Variants in CYRIB observed in about 807,000 individuals in gnomAD.
The protein encoded by CYRIB is CYFIP related Rac1 interactor B, also known as CYFIP-related Rac1 interactor B.
A neutral mutation model predicts 44.2 loss-of-function variants in CYRIB; 8 were observed. That is an observed-to-expected ratio of 0.18 (90% CI 0.11 to 0.33). The LOEUF is 0.33. Ranked by LOEUF, CYRIB falls within the 10% of genes least tolerant of loss-of-function variation. The pLI is 1.00. For synonymous variants in CYRIB, 131 were observed against 127.2 expected, an observed-to-expected ratio of 1.03 and a Z score of -0.20; for missense variants, 185 against 382.8, an observed-to-expected ratio of 0.48 and a Z score of 4.31.
At chr8:129,898,682 G>A (rs1251923083) in intron 2 of CYRIB, among the ~76,000 whole-genome samples, 2 of 152,016 alleles carry the variant, frequency 1.3e-5, no homozygotes, top group Admixed American at 1.3e-4. Context: ...TAACCAAACA[G>A]AATACAAAAA....
upstream of CYRIB, chr8:129,939,858 G>C (rs1443559106): frequency 6.6e-6 from 1 of 152,480 alleles, no homozygotes; most frequent in Non-Finnish European, 1.5e-5. Context: ...GGAATGCCAG[G>C]AAGTGAGGGC....
At chr8:129,965,664 T>C (rs887721228) in intron 2 of CYRIB, among the ~76,000 whole-genome samples, 1 of 151,438 alleles carries the variant, frequency 6.6e-6, no homozygotes, top group African/African-American at 2.4e-5. Context: ...GGCGTGGTGG[T>C]GGGTGCCTGT....
chr8:129,974,399 G>T (rs538218710), intron 1 of CYRIB, among the ~76,000 whole-genome samples: 65 of 152,196 alleles, frequency 4.3e-4, no homozygotes, highest in African/African-American at 1.6e-3. Flanking sequence ...AAGTCGAATG[G>T]AAGCTTTCCT....
chr8:129,924,820 T>G (rs540213398), intron 1 of CYRIB, among the ~76,000 whole-genome samples: 1 of 151,844 alleles, frequency 6.6e-6, no homozygotes, highest in African/African-American at 2.4e-5. Context: ...TTTAAAAAAA[T>G]AAAAAAACTT....
At chr8:129,954,377 A>G (rs955386064) in intron 2 of CYRIB, among the ~76,000 whole-genome samples, 5 of 152,050 alleles carry the variant, frequency 3.3e-5, no homozygotes, top group Admixed American at 1.3e-4. Context: ...TGCTGGCCAC[A>G]ATGCCCGGCT....
intron 3 of CYRIB, among the ~76,000 whole-genome samples, chr8:129,873,534 T>C (rs1048248158): frequency 2.0e-5 from 3 of 152,004 alleles, no homozygotes; most frequent in African/African-American, 7.2e-5. Context: ...CACTTTTTCA[T>C]ATGGAATTGT....
At chr8:129,984,616 C>T (rs2096381039) in intron 1 of CYRIB, among the ~76,000 whole-genome samples, 1 of 152,098 alleles carries the variant, frequency 6.6e-6, no homozygotes, top group Admixed American at 6.5e-5. Flanking sequence ...TTTTTTCCTC[C>T]CTCTTACAGA....
intron 10 of CYRIB, 126 bp from the exon 13 acceptor site, chr8:129,847,000 AATT>A (rs2040440676): frequency 1.8e-6 from 1 of 568,534 alleles, no homozygotes; most frequent in Non-Finnish European, 3.0e-6. Flanking sequence ...ATGTCAAATT[AATT>A]ATTCTTAGAA....
At chr8:129,851,105 C>G (rs75832491) in intron 8 of CYRIB, 191 bp from the exon 11 acceptor site, 1 of 554,110 alleles carries the variant, frequency 1.8e-6, no homozygotes, top group African/African-American at 1.9e-5. Context: ...AGCAAGACAG[C>G]GAAGGCAGGA....
At chr8:129,919,429 G>A (rs568828079) in intron 1 of CYRIB, among the ~76,000 whole-genome samples, 1 of 152,252 alleles carries the variant, frequency 6.6e-6, no homozygotes, top group East Asian at 1.9e-4. Flanking sequence ...ACAAAATGCT[G>A]TGTAAAAACA....
At chr8:129,869,131 A>G in intron 4 of CYRIB, among the ~76,000 whole-genome samples, 1 of 151,742 alleles carries the variant, frequency 6.6e-6, no homozygotes, top group Non-Finnish European at 1.5e-5. Context: ...CACGCCTGTA[A>G]TCCCAGCACT....
intron 2 of CYRIB, among the ~76,000 whole-genome samples, chr8:129,889,088 CAAAATA>C (rs201100496): frequency 2.6e-4 from 39 of 152,074 alleles, no homozygotes; most frequent in African/African-American, 9.2e-4. Flanking sequence ...GACTTTGTCT[CAAAATA>C]AAAATAAAAA....
rs533965830 is a variant in CYRIB, at chr8:129,975,267, C to T, written c.-295-4272G>A. ...GTAACCTCAAGCGATCCTCCCGCCT[C>T]GGCCTCCCAAAGTGCTGGGATTACA... On this transcript the variant is annotated intron_variant, in intron 1 of 14. Transcript: ENST00000401979. Among the ~76,000 whole-genome samples the T allele has an allele frequency of 4.6e-5, 7 of 152,240 alleles. No individual in the cohort carries two copies. In the East Asian group the frequency reaches 7.7e-4, roughly 17 times the overall value.
At chr8:129,987,609 G>A (rs1260762216) in intron 1 of CYRIB, among the ~76,000 whole-genome samples, 6 of 136,452 alleles carry the variant, frequency 4.4e-5, no homozygotes, top group Non-Finnish European at 7.6e-5. Flanking sequence ...TCGCTCCGTC[G>A]CCCAGGCTGG....
intron 7 of CYRIB, among the ~76,000 whole-genome samples, chr8:129,853,287 A>G (rs2044340580): frequency 6.6e-6 from 1 of 152,242 alleles, no homozygotes; most frequent in Non-Finnish European, 1.5e-5. Flanking sequence ...GGTAGGTATG[A>G]AAAAGACAGA....
chr8:129,847,914 A>G (rs2041085778), intron 10 of CYRIB, among the ~76,000 whole-genome samples: 1 of 151,960 alleles, frequency 6.6e-6, no homozygotes. Flanking sequence ...CGATTCTCCC[A>G]CCTCAGCCTC....
chr8:129,926,589 T>G (rs1426685139), intron 1 of CYRIB, among the ~76,000 whole-genome samples: 2 of 127,414 alleles, frequency 1.6e-5, no homozygotes, highest in Non-Finnish European at 3.5e-5. Context: ...TCAGAGGAGT[T>G]CCTAATAATG....
intron 1 of CYRIB, among the ~76,000 whole-genome samples, chr8:130,000,492 A>C (rs1301052897): frequency 6.6e-6 from 1 of 152,104 alleles, no homozygotes; most frequent in Admixed American, 6.6e-5. Flanking sequence ...CAGGAGTTCG[A>C]GACCAGCCTG....
chr8:129,883,940 G>C (rs2061734930), intron 2 of CYRIB, among the ~76,000 whole-genome samples: 1 of 152,180 alleles, frequency 6.6e-6, no homozygotes, highest in African/African-American at 2.4e-5. Context: ...CTAACTAGGG[G>C]CTCTGTTCCC....
Sources: gnomAD v4.1 joint callset for allele counts (sites outside exome capture counted in the v4.1 genomes callset) on GRCh38, gnomAD v4.1.1 for gene constraint, MANE v1.5 for transcripts, NCBI Gene and HGNC (gene_info 2026-07-23, HGNC 2026-07-21) for gene names.